PLXNA4: variants seen among roughly 807,000 people sequenced by gnomAD.
PLXNA4 encodes the protein plexin A4, also known as plexin-A4.
A neutral mutation model predicts 191.8 loss-of-function variants in PLXNA4; 44 were observed. The observed-to-expected ratio is 0.23, with a 90% CI of 0.18 to 0.29. PLXNA4 has a LOEUF of 0.29. PLXNA4 is among the 10% of genes least tolerant of loss of function. The pLI is 1.00. For synonymous variants in PLXNA4, 1,082 were observed against 1,009.5 expected (o/e 1.07, Z -1.36); for missense variants, 1,800 against 2,488.8 (o/e 0.72, Z 5.89).
intron 3 of PLXNA4, among the ~76,000 whole-genome samples, chr7:132,470,964 C>A (rs1051305283): frequency 3.1e-4 from 47 of 152,138 alleles, no homozygotes; most frequent in African/African-American, 1.0e-3. Context: ...TATGAGTCCC[C>A]GCCCAAATCT....
intron 25 of PLXNA4, among the ~76,000 whole-genome samples, chr7:132,156,095 T>A (rs572421108): frequency 1.2e-4 from 18 of 148,632 alleles, no homozygotes; most frequent in Admixed American, 9.4e-4. Context: ...GTATGACCAC[T>A]TCTTTAAAAT....
At chr7:132,229,655 G>A (rs1289006465) in intron 5 of PLXNA4, among the ~76,000 whole-genome samples, 1 of 152,170 alleles carries the variant, frequency 6.6e-6, no homozygotes, top group African/African-American at 2.4e-5. Flanking sequence ...AAGATGTCAG[G>A]AGCTGTTGCA....
rs1402298285 is a variant in PLXNA4 at position 132,211,132 on chromosome 7, C to G, written c.2109G>C (p.Gln703His). ...GRVKLPEDCP[Q>H]LLRVDKILVP... ...CCAGGATCTTGTCCACTCGCAGCAG[C>G]TGGGGGCAGTCCTGGGGACAGAGGG... The change falls in exon 10 of 32, where the codon CAG becomes CAC. Residue 703 changes from glutamine to histidine, a missense_variant. This residue lies in a region of PLXNA4 where 1,397 missense variants were observed against 1,880.4 expected (regional missense o/e 0.74). Transcript: ENST00000321063. 1 of 1,558,866 alleles carries G rather than the reference C, an allele frequency of 6.4e-7. No individual in the cohort carries two copies.
At chr7:132,558,363 A>C (rs1195005769) in intron 1 of PLXNA4, among the ~76,000 whole-genome samples, 1 of 152,214 alleles carries the variant, frequency 6.6e-6, no homozygotes, top group South Asian at 2.1e-4. Context: ...CTTTTTTATA[A>C]AGGCTCTTTA....
intron 9 of PLXNA4, among the ~76,000 whole-genome samples, chr7:132,219,944 G>A (rs995826296): frequency 4.6e-5 from 7 of 152,182 alleles, no homozygotes; most frequent in Non-Finnish European, 1.0e-4. Flanking sequence ...TGTGCAGTAA[G>A]CTACAGCACA....
chr7:132,628,608 T>G (rs1035716297), intron 2 of PLXNA4, among the ~76,000 whole-genome samples: 1 of 152,080 alleles, frequency 6.6e-6, no homozygotes, highest in Non-Finnish European at 1.5e-5. Context: ...ATCTTTTATT[T>G]TTTGGATCTC....
chr7:132,311,480 A>G (rs1203508390), intron 3 of PLXNA4, among the ~76,000 whole-genome samples: 1 of 152,182 alleles, frequency 6.6e-6, no homozygotes, highest in Non-Finnish European at 1.5e-5. Context: ...CTAGCCAGTA[A>G]GTGGAGCACC....
At chr7:132,556,692 C>A (rs1800816878) in intron 1 of PLXNA4, among the ~76,000 whole-genome samples, 1 of 152,232 alleles carries the variant, frequency 6.6e-6, no homozygotes, top group Non-Finnish European at 1.5e-5. Flanking sequence ...AAAAGGGAAG[C>A]TCTTCAGAAA....
At chr7:132,449,483 GA>G (rs1796037077) in intron 3 of PLXNA4, among the ~76,000 whole-genome samples, 1 of 152,246 alleles carries the variant, frequency 6.6e-6, no homozygotes, top group East Asian at 1.9e-4. Flanking sequence ...TCCCACTGCA[GA>G]TGATCCATTT....
intron 3 of PLXNA4, among the ~76,000 whole-genome samples, chr7:132,459,486 T>C (rs945006876): frequency 6.6e-6 from 1 of 152,106 alleles, no homozygotes; most frequent in Non-Finnish European, 1.5e-5. Context: ...CTACAGTCAA[T>C]TTGATTTTGT....
intron 3 of PLXNA4, among the ~76,000 whole-genome samples, chr7:132,309,283 TGAGAGATGCGGCATCTCTG>T (rs1801638439): frequency 6.6e-6 from 1 of 152,132 alleles, no homozygotes; most frequent in South Asian, 2.1e-4. Flanking sequence ...CTGGCCTCGC[TGAGAGATGCGGCATCTCTG>T]AGGACCCAGG....
At chr7:132,176,721 A>T (rs769699751) in intron 20 of PLXNA4, among the ~76,000 whole-genome samples, 1 of 150,094 alleles carries the variant, frequency 6.7e-6, no homozygotes, top group Non-Finnish European at 1.5e-5. Context: ...AATGTATGTC[A>T]ATGAGTGTGT....
At chr7:132,134,374 CAG>C (rs578064160) in intron 30 of PLXNA4, among the ~76,000 whole-genome samples, 1 of 152,154 alleles carries the variant, frequency 6.6e-6, no homozygotes, top group South Asian at 2.1e-4. Flanking sequence ...TGAAGACTGG[CAG>C]AGATGGTTTT....
At position 132,264,124 on chromosome 7, in the gene PLXNA4, A is replaced by C. The variant is rs1265876973; in HGVS notation, c.1504-22958T>G. On this transcript the variant is annotated intron_variant, in intron 4 of 31. Coordinates refer to ENST00000321063, the MANE Select transcript of PLXNA4 (RefSeq NM_020911.2). Reference sequence around the variant, plus strand: ...ACTGAAGAAGCAAGAACGTTATAAAAAAGAAAGAATGAAAAGAAAGAAGAA... The same window carrying C: ...ACTGAAGAAGCAAGAACGTTATAAACAAGAAAGAATGAAAAGAAAGAAGAA... 7 of 152,240 alleles carry C rather than the reference A, an allele frequency of 4.6e-5. No homozygotes were observed. The South Asian group carries it at 1.2e-3, about 27-fold the overall frequency. 9.4% of individuals were successfully genotyped at this position (152,240 alleles called of 1,614,324 possible).
In PLXNA4 at chr7:132,385,002, C is replaced by T. The variant is rs144978085; in HGVS notation, c.1372-86780G>A. 6.4e-3 allele frequency: 8,945 copies of T among 1,399,914 alleles called. 57 individuals are homozygous for T. The highest frequency in any genetic ancestry group is 0.029 in the Middle Eastern group (109 of 3,704). The allele number at this position is 1,399,914 out of a possible 1,614,324, so 86.7% of individuals were successfully genotyped here. A position where few individuals can be genotyped will look rare whatever the true frequency, so the allele number is the denominator to read the frequency against. ...TGGGGCAGAGAAAAGAGACCAACTA[C>T]CTAGCCAAGCTAAGCAGAGACACAT... On this transcript the variant is annotated intron_variant, in intron 3 of 31. Transcript: ENST00000321063.
chr7:132,544,454 G>A (rs1402946176), intron 1 of PLXNA4, among the ~76,000 whole-genome samples: 1 of 152,218 alleles, frequency 6.6e-6, no homozygotes, highest in Non-Finnish European at 1.5e-5. Context: ...AGAGCCACTT[G>A]TTAGTAACAG....
At chr7:132,151,279 GAGGAGGAGGAGGAAGAAGA>G (rs1795594973) in intron 25 of PLXNA4, among the ~76,000 whole-genome samples, 2 of 78,104 alleles carry the variant, frequency 2.6e-5, no homozygotes, top group Admixed American at 1.4e-4. Flanking sequence ...GAAGAAGAAG[GAGGAGGAGGAGGAAGAAGA>G]AGGAGGAGGA....
Position 132,215,321 on chromosome 7 carries a change from T to C in PLXNA4, c.2098-4178A>G, listed in dbSNP as rs116628090. ...CAGGAGATCTGCCAGCCATTTGGCC[T>C]TGGGCAAGCCCCTCAAACCCTCTGA... On this transcript the variant is annotated intron_variant, in intron 9 of 31. Transcript: ENST00000321063. Among the ~76,000 whole-genome samples, 1,288 of 152,370 alleles carry C rather than the reference T, an allele frequency of 8.5e-3. 20 individuals carry two copies. The highest frequency in any genetic ancestry group is 0.029 in the African/African-American group (1,225 of 41,590).
At chr7:132,380,731 A>G (rs1466300223) in intron 3 of PLXNA4, among the ~76,000 whole-genome samples, 1 of 152,222 alleles carries the variant, frequency 6.6e-6, no homozygotes, top group Non-Finnish European at 1.5e-5. Context: ...TTAGAGCAGT[A>G]GTTTCCAAAC....
Sources: allele counts gnomAD v4.1 joint callset (sites outside exome capture counted in the v4.1 genomes callset), GRCh38; gene constraint gnomAD v4.1.1; regional missense constraint gnomAD v4.1.1; transcripts MANE v1.5; gene names NCBI Gene and HGNC (gene_info 2026-07-23, HGNC 2026-07-21).